Variants in ITGA4 observed in about 807,000 individuals in gnomAD.
The protein encoded by ITGA4 is integrin subunit alpha 4.
A neutral mutation model predicts 133.6 loss-of-function variants in ITGA4; 63 were observed. The observed-to-expected ratio is 0.47, with a 90% CI of 0.38 to 0.58. The LOEUF (loss-of-function observed/expected upper bound fraction) is 0.58. Among genes scored for constraint, ITGA4 ranks in the 20% least tolerant of loss-of-function variants. The pLI is 0.00. For synonymous variants in ITGA4, 483 were observed against 438.0 expected, an observed-to-expected ratio of 1.10 and a Z score of -1.28; for missense variants, 1,076 against 1,252.7, an observed-to-expected ratio of 0.86 and a Z score of 2.13.
At chr2:181,494,643 C>T (rs1686123486) in intron 11 of ITGA4, 79 bp from the exon 12 acceptor site, 2 of 799,842 alleles carry the variant, frequency 2.5e-6, no homozygotes, top group South Asian at 1.4e-5. Flanking sequence ...TGGGAAAGCT[C>T]ATTATTTAGC....
intron 2 of ITGA4, among the ~76,000 whole-genome samples, chr2:181,473,667 A>G (rs1453577480): frequency 6.6e-6 from 1 of 152,204 alleles, no homozygotes; most frequent in Non-Finnish European, 1.5e-5. Context: ...AAATAATTTC[A>G]CTTCTCAAAT....
chr2:181,528,616 G>A (rs1686881233), intron 22 of ITGA4, among the ~76,000 whole-genome samples: 1 of 152,144 alleles, frequency 6.6e-6, no homozygotes, highest in African/African-American at 2.4e-5. Context: ...GCACTGCTAG[G>A]TATCTGTTGC....
At chr2:181,497,989 A>C (rs1409975142) in intron 14 of ITGA4, among the ~76,000 whole-genome samples, 1 of 152,126 alleles carries the variant, frequency 6.6e-6, no homozygotes, top group Non-Finnish European at 1.5e-5. Context: ...GAATTTTTTA[A>C]AAATTGCACA....
At chr2:181,471,748 G>A (rs1052210185) in intron 2 of ITGA4, among the ~76,000 whole-genome samples, 26 of 152,090 alleles carry the variant, frequency 1.7e-4, no homozygotes, top group African/African-American at 6.3e-4. Context: ...AATCTCTTCT[G>A]CTCACGGGTG....
chr2:181,538,259 CA>C lies in ITGA4; in HGVS notation c.*2733del, dbSNP rs1559066036. 3 of 1,497,950 alleles carry C rather than the reference CA, an allele frequency of 2.0e-6. No homozygotes were observed. The highest frequency in any genetic ancestry group is 1.1e-5 in the South Asian group (1 of 88,406). 92.8% of individuals were successfully genotyped at this position (1,497,950 alleles called of 1,614,324 possible). A position where few individuals can be genotyped will look rare whatever the true frequency, so the allele number is the denominator to read the frequency against. ...TTGGATGCAATCTGTAAAGAAAATA[CA>C]TTATTTCATCAACTTATTTTGTTGT... On this transcript the variant is annotated 3_prime_UTR_variant, in exon 28 of 28. Coordinates refer to ENST00000397033, the MANE Select transcript of ITGA4 (RefSeq NM_000885.6).
intron 10 of ITGA4, chr2:181,492,989 C>A: frequency 1.0e-5 from 2 of 190,934 alleles, no homozygotes; most frequent in Non-Finnish European, 2.1e-5. Context: ...GGAATTGAAA[C>A]ACAGATTAAG....
intron 17 of ITGA4, among the ~76,000 whole-genome samples, chr2:181,515,463 G>T (rs972034931): frequency 3.9e-5 from 6 of 152,000 alleles, no homozygotes; most frequent in African/African-American, 1.4e-4. Flanking sequence ...GCCATAAAAT[G>T]AAACATTGCC....
chr2:181,504,582 A>G (rs1052281724), intron 15 of ITGA4, among the ~76,000 whole-genome samples: 9 of 152,086 alleles, frequency 5.9e-5, no homozygotes, highest in Non-Finnish European at 1.2e-4. Flanking sequence ...AGCAAACTAT[A>G]TCACTGTACT....
In ITGA4 at chr2:181,457,521, T is replaced by G; in HGVS notation, c.-134T>G. On this transcript the variant is annotated 5_prime_UTR_variant, in exon 1 of 28. Transcript: ENST00000397033. ...ACTTCCCCTCCTCTTCCCTCTCTCC[T>G]TCCTTTAGCCCGCTGGCGCCGGACA... 2 of 844,806 alleles carry G rather than the reference T, an allele frequency of 2.4e-6. No individual in the cohort carries two copies. Among genetic ancestry groups the G allele is most frequent in the South Asian group, 3.5e-5 (2 of 57,858 alleles). The allele number at this position is 844,806 out of a possible 1,614,324, so 52.3% of individuals were successfully genotyped here.
intron 17 of ITGA4, among the ~76,000 whole-genome samples, chr2:181,517,951 G>A: frequency 6.6e-6 from 1 of 151,852 alleles, no homozygotes; most frequent in East Asian, 1.9e-4. Flanking sequence ...TCTATTTCTG[G>A]GCAGCTCTTC....
At chr2:181,530,676 T>C in intron 24 of ITGA4, 27 bp downstream of exon 24, 1 of 1,598,596 alleles carries the variant, frequency 6.3e-7, no homozygotes, top group Non-Finnish European at 8.6e-7. Context: ...CAGGTTGTAG[T>C]TCCTGCTTTC....
In ITGA4 at chr2:181,512,361, C is replaced by T. The variant is rs936453808; in HGVS notation, c.1922+586C>T. ...TAAATGGAGCAGCTTTAATCTGGGG[C>T]ATGTTGAATTTGGAGGGACTTTTCT... On this transcript the variant is annotated intron_variant, in intron 17 of 27. Coordinates refer to ENST00000397033, the MANE Select transcript of ITGA4 (RefSeq NM_000885.6). Among the ~76,000 whole-genome samples, 7 of 152,048 alleles carry T rather than the reference C, an allele frequency of 4.6e-5. No homozygotes were observed. The East Asian group carries it at 1.4e-3, about 29-fold the overall frequency.
At chr2:181,475,544 A>G (rs1411010225) in intron 4 of ITGA4, among the ~76,000 whole-genome samples, 3 of 152,310 alleles carry the variant, frequency 2.0e-5, no homozygotes, top group South Asian at 2.1e-4. Flanking sequence ...TTTTGCATCA[A>G]ATTTACTTTC....
At chr2:181,470,546 C>T (rs188688031) in intron 2 of ITGA4, among the ~76,000 whole-genome samples, 115 of 152,214 alleles carry the variant, frequency 7.6e-4, no homozygotes, top group Admixed American at 3.7e-3. Flanking sequence ...GTACTGGTTT[C>T]AAACTCCCTT....
At chr2:181,469,753 A>T (rs1489325700) in intron 2 of ITGA4, among the ~76,000 whole-genome samples, 1 of 152,210 alleles carries the variant, frequency 6.6e-6, no homozygotes, top group Non-Finnish European at 1.5e-5. Flanking sequence ...GGATGAGTTC[A>T]TGTCCTTTGT....
In ITGA4 at chr2:181,516,181, T is replaced by C. The variant is rs1446392793; in HGVS notation, c.1922+4406T>C. Among the ~76,000 whole-genome samples the C allele has an allele frequency of 6.6e-6, 1 of 152,078 alleles. No homozygotes were observed. The highest frequency in any genetic ancestry group is 2.1e-4 in the South Asian group (1 of 4,832). On this transcript the variant is annotated intron_variant, in intron 17 of 27. Transcript: ENST00000397033. This position sits in a 1 kb window ranked among gnomAD's most constrained non-coding sequence, Gnocchi z 4.0. ...TTTAAAATCAAATCCTTGAAACTCA[T>C]GTAAATGATACCGCAATACATTTCT...
chr2:181,461,771 G>T (rs1274899281), intron 2 of ITGA4, among the ~76,000 whole-genome samples: 1 of 151,920 alleles, frequency 6.6e-6, no homozygotes, highest in Non-Finnish European at 1.5e-5. Flanking sequence ...CTCTCATTTG[G>T]GTAATAGTCT....
intron 1 of ITGA4, among the ~76,000 whole-genome samples, 165 bp downstream of exon 1, chr2:181,458,016 T>C (rs894413682): frequency 2.0e-5 from 3 of 152,200 alleles, no homozygotes; most frequent in Non-Finnish European, 2.9e-5. Context: ...CTAACTTATC[T>C]TGGGGCGGCA....
At position 181,457,643 on chromosome 2, in the gene ITGA4, C is replaced by T. The variant is rs1449987979; in HGVS notation, c.-12C>T. On this transcript the variant is annotated 5_prime_UTR_variant, in exon 1 of 28. Transcript: ENST00000397033. ...TGGCCGTTTAGTGTTGAATGTTCCC[C>T]ACCGAGAGCGCATGGCTTGGGAAGC... is the stretch of plus-strand genomic sequence containing the variant. 11 of 1,606,854 alleles carry T rather than the reference C, an allele frequency of 6.8e-6. No individual in the cohort carries two copies. The highest frequency in any genetic ancestry group is 9.3e-6 in the Non-Finnish European group (11 of 1,178,114).
Sources: allele counts gnomAD v4.1 joint callset (sites outside exome capture counted in the v4.1 genomes callset), GRCh38; gene constraint gnomAD v4.1.1; non-coding constraint Gnocchi (gnomAD v3.1); transcripts MANE v1.5; gene names NCBI Gene and HGNC (gene_info 2026-07-23, HGNC 2026-07-21).